The following DACT3 variants were observed in gnomAD, a reference collection of about 807,000 sequenced individuals.
The protein encoded by DACT3 is dapper homolog 3.
In DACT3, 5 loss-of-function variants were observed where a neutral mutation model predicts 19.6. That is an observed-to-expected ratio of 0.26 (90% CI 0.13 to 0.54). The LOEUF (loss-of-function observed/expected upper bound fraction) is 0.54. Among genes scored for constraint, DACT3 ranks in the 20% least tolerant of loss-of-function variants. DACT3 has a pLI of 0.95. For synonymous variants in DACT3, 454 were observed against 428.1 expected (o/e 1.06, Z -0.75); for missense variants, 908 against 927.4 (o/e 0.98, Z 0.27).
chr19:46,649,992 G>T (rs1246513438), intron 3 of DACT3, 120 bp from the exon 4 acceptor site: 2 of 1,168,300 alleles, frequency 1.7e-6, no homozygotes, highest in African/African-American at 1.6e-5. Context: ...CATCCTCATC[G>T]CAGCAAAAAC....
chr19:46,655,074 C>T (rs1039537158), intron 1 of DACT3: 4 of 985,174 alleles, frequency 4.1e-6, no homozygotes, highest in African/African-American at 1.7e-5. Context: ...ATGTCACGTC[C>T]GTCACAAATC....
rs73940743 is a variant in DACT3 at position 46,653,396 on chromosome 19, C to T, written c.250-321G>A. 6.8e-3 allele frequency among the ~76,000 whole-genome samples: 1,033 copies of T among 152,100 alleles called. 10 individuals carry two copies. Among genetic ancestry groups the T allele is most frequent in the African/African-American group, 0.023 (957 of 41,484 alleles). ...CTACCCCCAATCTGTGCTCAGAGCC[C>T]CTCAACCCTGATTAGAATGTCCCTC... On this transcript the variant is annotated intron_variant, in intron 1 of 3. Transcript: ENST00000391916.
rs745678004 is a variant in DACT3 at position 46,648,582 on chromosome 19, C to A, written c.1790G>T (p.Gly597Val). Residue 597 changes from glycine (G) to valine (V), a missense_variant, in exon 4 of 4, where the codon GGC (glycine) becomes GTC (valine). Physicochemically the swap from Gly to Val is moderately radical, Grantham distance 109. Around this residue, in one of 2 missense-constraint regions of DACT3, gnomAD observed 656 missense variants for 601.8 expected, o/e 1.09. Coordinates refer to ENST00000391916, the MANE Select transcript of DACT3 (RefSeq NM_145056.3). This position sits in a 1 kb window ranked among gnomAD's most constrained non-coding sequence, Gnocchi z 5.1. ...GGGAGAGAPA[G>V]PAKVFVKIKA... ...GATTTTCACGAAGACTTTGGCGGGGCCTGCGGGCGCCCCTGCACCTGCTCC... is the reference window on the plus strand; with the variant it reads ...GATTTTCACGAAGACTTTGGCGGGGACTGCGGGCGCCCCTGCACCTGCTCC... 5 of 1,613,620 alleles carry A rather than the reference C, an allele frequency of 3.1e-6. No homozygotes were observed. Among genetic ancestry groups the A allele is most frequent in the Non-Finnish European group, 1.7e-6 (2 of 1,179,760 alleles).
At chr19:46,651,517 A>C (rs918844368) in intron 3 of DACT3, 3 of 152,226 alleles carry the variant, frequency 2.0e-5, no homozygotes, top group Non-Finnish European at 2.9e-5. Flanking sequence ...GTGGGGGCTC[A>C]AAAACTTACT....
chr19:46,652,890 G>A (rs547603282), intron 2 of DACT3, 78 bp from the exon 3 acceptor site: 71 of 1,540,514 alleles, frequency 4.6e-5, no homozygotes, highest in East Asian at 9.8e-5. Context: ...AGGAGATGGC[G>A]TGGGGAGAGA....
Position 46,652,725 on chromosome 19 carries a change from G to A in DACT3, c.434C>T (p.Ser145Phe). 1 of 1,551,626 alleles carries A rather than the reference G, an allele frequency of 6.4e-7. No individual in the cohort carries two copies. The highest frequency in any genetic ancestry group is 8.7e-7 in the Non-Finnish European group (1 of 1,146,988). Reference protein sequence around the residue: ...CGDSGFSGSSSYGRLGPSEPR... With the variant: ...CGDSGFSGSSFYGRLGPSEPR... ...CTCAGAGGGACCCAGGCGACCATAGGAGCTGGATCCAGAGAAGCCACTGTC... is the reference window on the plus strand; with the variant it reads ...CTCAGAGGGACCCAGGCGACCATAGAAGCTGGATCCAGAGAAGCCACTGTC... The change falls in exon 3 of 4, where the codon TCC (serine) becomes TTC (phenylalanine). Residue 145 changes from serine (S) to phenylalanine (F), a missense_variant. Ser to Phe is a radical substitution (Grantham distance 155). Coordinates refer to ENST00000391916, the MANE Select transcript of DACT3 (RefSeq NM_145056.3).
intron 1 of DACT3, among the ~76,000 whole-genome samples, chr19:46,659,820 C>G (rs897133479): frequency 3.3e-5 from 5 of 152,050 alleles, no homozygotes; most frequent in Non-Finnish European, 5.9e-5. Context: ...GAGGGGAAGA[C>G]AGACTGAGCC....
Position 46,660,496 on chromosome 19 carries a change from G to A in DACT3, c.249+320C>T. The A allele has an allele frequency of 3.2e-6, 1 of 314,728 alleles. No individual in the cohort carries two copies. Among genetic ancestry groups the A allele is most frequent in the Non-Finnish European group, 5.8e-6 (1 of 171,716 alleles). The allele number at this position is 314,728 out of a possible 1,614,324, so 19.5% of individuals were successfully genotyped here. On this transcript the variant is annotated intron_variant, in intron 1 of 3. Coordinates refer to ENST00000391916, the MANE Select transcript of DACT3 (RefSeq NM_145056.3). The surrounding 1 kb of genome is among the most constrained non-coding windows in gnomAD (Gnocchi z 4.9). ...GTTTCCCAAGCCGCAAGAAGACAACGCCTGCAAAGTACCCGGTCTCGGGTT... is the reference window on the plus strand; with the variant it reads ...GTTTCCCAAGCCGCAAGAAGACAACACCTGCAAAGTACCCGGTCTCGGGTT...
chr19:46,652,873 G>A, intron 2 of DACT3, 61 bp from the exon 3 acceptor site: 1 of 1,540,224 alleles, frequency 6.5e-7, no homozygotes, highest in South Asian at 1.2e-5. Context: ...CCAGAGCTGG[G>A]GAAAGGAGGA....
In DACT3 at chr19:46,661,073, C is replaced by A; in HGVS notation, c.-9G>T. On this transcript the variant is annotated 5_prime_UTR_variant, in exon 1 of 4. Transcript: ENST00000391916. ...GAGAAGGCCCGGATCATGGCTGCGG[C>A]CCCCCGCCCCAGCCCGGCCGGGCCC... The A allele has an allele frequency of 6.9e-7, 1 of 1,443,716 alleles. No individual in the cohort carries two copies. Among genetic ancestry groups the A allele is most frequent in the East Asian group, 3.0e-5 (1 of 33,498 alleles). 89.4% of individuals were successfully genotyped at this position (1,443,716 alleles called of 1,614,324 possible).
chr19:46,655,159 C>T (rs1156792121), intron 1 of DACT3: 1 of 629,526 alleles, frequency 1.6e-6, no homozygotes, highest in Admixed American at 6.3e-5. Flanking sequence ...ATGCGCCTAC[C>T]TCGGGAGAAT....
chr19:46,656,014 A>G (rs1312264619), intron 1 of DACT3, among the ~76,000 whole-genome samples: 1 of 149,954 alleles, frequency 6.7e-6, no homozygotes, highest in Admixed American at 6.7e-5. Context: ...ACACACATGT[A>G]TATACACATA....
chr19:46,650,538 T>A (rs1599788485), intron 3 of DACT3: 1 of 151,416 alleles, frequency 6.6e-6, no homozygotes, highest in Non-Finnish European at 1.5e-5. Context: ...TCGCCTTATC[T>A]TCCTGAACGG....
In DACT3 at chr19:46,647,754, G is replaced by A. The variant is rs2052932600; in HGVS notation, c.*728C>T. 1.3e-5 allele frequency: 2 copies of A among 152,440 alleles called. No homozygotes were observed. Among genetic ancestry groups the A allele is most frequent in the South Asian group, 4.2e-4 (2 of 4,816 alleles). 9.4% of individuals were successfully genotyped at this position (152,440 alleles called of 1,614,324 possible). On this transcript the variant is annotated 3_prime_UTR_variant, in exon 4 of 4. Coordinates refer to ENST00000391916, the MANE Select transcript of DACT3 (RefSeq NM_145056.3). Reference sequence around the variant, plus strand: ...AAAATACTAGATTGGAACAGCTGAGGGTCATCAGGCTTCCCCCATTCCCTC... The same window carrying A: ...AAAATACTAGATTGGAACAGCTGAGAGTCATCAGGCTTCCCCCATTCCCTC...
chr19:46,649,576 C>A lies in DACT3; in HGVS notation c.796G>T (p.Gly266Cys), dbSNP rs1241289739. The change falls in exon 4 of 4, where the codon GGC becomes TGC. Residue 266 changes from glycine to cysteine, a missense_variant. Transcript: ENST00000391916. The part of the protein sequence containing the change: ...LLRRRRRRGA[G>C]QPRTSPGGAD... ...CCCCCGGGACTGGTCCGGGGCTGGC[C>A]CGCCCCCCGGCGGCGGCGCCTGCGC... is the stretch of plus-strand genomic sequence containing the variant. 9.2e-7 allele frequency: 1 copy of A among 1,085,018 alleles called. No homozygotes were observed. The highest frequency in any genetic ancestry group is 3.0e-5 in the South Asian group (1 of 33,778). The allele number at this position is 1,085,018 out of a possible 1,614,324, so 67.2% of individuals were successfully genotyped here.
In DACT3 at chr19:46,660,671, A is replaced by G; in HGVS notation, c.249+145T>C. The stretch of plus-strand genomic sequence containing the variant: ...AGGCCAGGTCCGGCCCGCCGCCGGA[A>G]CTCCGGGGTCGCCAGCCCCACCCCC... On this transcript the variant is annotated intron_variant, in intron 1 of 3. Transcript: ENST00000391916. This position sits in a 1 kb window ranked among gnomAD's most constrained non-coding sequence, Gnocchi z 4.9. The G allele has an allele frequency of 7.3e-7, 1 of 1,363,580 alleles. No homozygotes were observed. The highest frequency in any genetic ancestry group is 1.6e-5 in the South Asian group (1 of 60,772). The allele number at this position is 1,363,580 out of a possible 1,614,324, so 84.5% of individuals were successfully genotyped here.
At chr19:46,654,142 T>G in intron 1 of DACT3, 1 of 985,262 alleles carries the variant, frequency 1.0e-6, no homozygotes, top group Non-Finnish European at 1.2e-6. Flanking sequence ...TTTGGTCCAC[T>G]CCCACCAGGA....
At chr19:46,653,966 C>A (rs2053010998) in intron 1 of DACT3, 1 of 985,030 alleles carries the variant, frequency 1.0e-6, no homozygotes, top group Non-Finnish European at 1.2e-6. Flanking sequence ...GCCTCTTTCC[C>A]CCATATGGGT....
chr19:46,648,339 G>A lies in DACT3; in HGVS notation c.*143C>T. The A allele has an allele frequency of 1.4e-6, 2 of 1,412,742 alleles. No homozygotes were observed. The allele number at this position is 1,412,742 out of a possible 1,614,324, so 87.5% of individuals were successfully genotyped here. On this transcript the variant is annotated 3_prime_UTR_variant, in exon 4 of 4. Transcript: ENST00000391916. This position sits in a 1 kb window ranked among gnomAD's most constrained non-coding sequence, Gnocchi z 5.1. ...GTGGTGGGGGAGCCTTTTCAACCAA[G>A]ACTGTTAGGAGTGGGGAGAGTGAGG...
Sources: allele counts gnomAD v4.1 joint callset (sites outside exome capture counted in the v4.1 genomes callset), GRCh38; gene constraint gnomAD v4.1.1; regional missense constraint gnomAD v4.1.1; non-coding constraint Gnocchi (gnomAD v3.1); transcripts MANE v1.5; gene names NCBI Gene and HGNC (gene_info 2026-07-23, HGNC 2026-07-21).